The following STXBP5L variants were observed in gnomAD, a reference collection of about 807,000 sequenced individuals.
The protein encoded by STXBP5L is syntaxin-binding protein 5-like.
STXBP5L carries 65 observed loss-of-function variants against 144.5 expected under a neutral mutation model. That is an observed-to-expected ratio of 0.45 (90% CI 0.37 to 0.55). The LOEUF is 0.55. Ranked by LOEUF, STXBP5L falls within the 20% of genes least tolerant of loss-of-function variation. The pLI is 0.00. For missense variants in STXBP5L, 1,298 were observed against 1,405.5 expected, an observed-to-expected ratio of 0.92 and a Z score of 1.22; for synonymous variants, 505 against 469.6, an observed-to-expected ratio of 1.08 and a Z score of -0.97.
At chr3:121,170,888 A>C (rs4048750) in intron 9 of STXBP5L, among the ~76,000 whole-genome samples, 18,248 of 152,232 alleles carry the variant, frequency 0.12, 1,147 homozygotes, top group Non-Finnish European at 0.14. Flanking sequence ...GACACAACAA[A>C]AAAAGAAAAT....
At chr3:121,106,942 G>A (rs1012360260) in intron 5 of STXBP5L, among the ~76,000 whole-genome samples, 1 of 152,180 alleles carries the variant, frequency 6.6e-6, no homozygotes, top group Non-Finnish European at 1.5e-5. Flanking sequence ...CATTCTGACT[G>A]AAGTGAGATG....
At chr3:121,259,306 A>G in intron 18 of STXBP5L, 138 bp downstream of exon 18, 1 of 620,498 alleles carries the variant, frequency 1.6e-6, no homozygotes, top group Non-Finnish European at 2.3e-6. Context: ...TATAAGAAAA[A>G]TAATTTAAAT....
rs2049634450 is a variant in STXBP5L, at chr3:121,240,606, T to C, written c.1400+99T>C. 15 of 1,119,992 alleles carry C rather than the reference T, an allele frequency of 1.3e-5. No homozygotes were observed. In the Admixed American group the frequency reaches 3.3e-4, roughly 25 times the overall value. 69.4% of individuals were successfully genotyped at this position (1,119,992 alleles called of 1,614,324 possible). A position where few individuals can be genotyped will look rare whatever the true frequency, so the allele number is the denominator to read the frequency against. The stretch of plus-strand genomic sequence containing the variant: ...AATTGTGTTCTATGCAGAATAATAG[T>C]TTAAGTAAAAGTAAAAATATAAGAA... On this transcript the variant is annotated intron_variant, in intron 14 of 26. Coordinates refer to ENST00000471454, the MANE Select transcript of STXBP5L (RefSeq NM_001308330.2).
At chr3:121,103,911 AC>A (rs2043558027) in intron 5 of STXBP5L, among the ~76,000 whole-genome samples, 1 of 152,220 alleles carries the variant, frequency 6.6e-6, no homozygotes, top group Non-Finnish European at 1.5e-5. Context: ...TTGGGTATTT[AC>A]TGCAGACAGG....
chr3:121,371,608 G>A (rs2046030336), intron 20 of STXBP5L, among the ~76,000 whole-genome samples: 1 of 152,220 alleles, frequency 6.6e-6, no homozygotes, highest in Non-Finnish European at 1.5e-5. Context: ...AGTAGTAGTG[G>A]CAGTATGTCT....
Position 121,148,160 on chromosome 3 carries a change from G to C in STXBP5L, c.670-4317G>C, listed in dbSNP as rs774213625. On this transcript the variant is annotated intron_variant, in intron 7 of 26. Transcript: ENST00000471454. ...TTTTTCGGAGAACCTTAATTCAAAA[G>C]ATGAGAGCGGAAATTAAAAGAATAG... 2.2e-4 allele frequency among the ~76,000 whole-genome samples: 34 copies of C among 152,104 alleles called. 1 individual carries two copies. The highest frequency in any genetic ancestry group is 3.9e-4 in the Admixed American group (6 of 15,246).
At chr3:121,098,927 C>T (rs1052919061) in intron 5 of STXBP5L, among the ~76,000 whole-genome samples, 1 of 152,056 alleles carries the variant, frequency 6.6e-6, no homozygotes. Flanking sequence ...TATCATGGTC[C>T]CCAGCATCCT....
At chr3:121,068,604 G>A (rs1047857199) in intron 5 of STXBP5L, among the ~76,000 whole-genome samples, 1 of 151,744 alleles carries the variant, frequency 6.6e-6, no homozygotes, top group Non-Finnish European at 1.5e-5. Context: ...ACAGCAACTT[G>A]CACTTTACCT....
At chr3:120,980,778 G>A (rs561591464) in intron 3 of STXBP5L, among the ~76,000 whole-genome samples, 9 of 152,042 alleles carry the variant, frequency 5.9e-5, no homozygotes, top group Admixed American at 2.6e-4. Flanking sequence ...TGCAATCTTG[G>A]TTGTGTAATT....
At chr3:120,953,256 C>A (rs1430678188) in intron 2 of STXBP5L, among the ~76,000 whole-genome samples, 2 of 151,096 alleles carry the variant, frequency 1.3e-5, no homozygotes, top group Non-Finnish European at 2.9e-5. Flanking sequence ...TATAAATAAG[C>A]AGCAGTGGAA....
intron 14 of STXBP5L, among the ~76,000 whole-genome samples, chr3:121,248,156 T>C (rs892959840): frequency 6.6e-6 from 1 of 152,182 alleles, no homozygotes; most frequent in Non-Finnish European, 1.5e-5. Context: ...CTCTGTCTCC[T>C]GAGCTCAAGC....
intron 3 of STXBP5L, among the ~76,000 whole-genome samples, chr3:121,014,518 T>C (rs575375413): frequency 3.9e-5 from 6 of 152,194 alleles, no homozygotes; most frequent in African/African-American, 1.2e-4. Context: ...CTGAGTAGTA[T>C]ACAAATGTAT....
intron 20 of STXBP5L, among the ~76,000 whole-genome samples, chr3:121,355,521 G>T (rs556395881): frequency 6.6e-5 from 10 of 152,146 alleles, no homozygotes; most frequent in African/African-American, 9.6e-5. Context: ...CTCGTGCCAT[G>T]GTTTTCAGCT....
At chr3:121,286,598 G>A (rs1365229671) in intron 19 of STXBP5L, among the ~76,000 whole-genome samples, 1 of 152,118 alleles carries the variant, frequency 6.6e-6, no homozygotes, top group Non-Finnish European at 1.5e-5. Context: ...GAGATAAGGT[G>A]GACCTATTTT....
At chr3:121,272,912 C>G (rs927630900) in intron 18 of STXBP5L, among the ~76,000 whole-genome samples, 3 of 152,000 alleles carry the variant, frequency 2.0e-5, no homozygotes. Context: ...TCACTCTCCT[C>G]CAGCACACAT....
chr3:121,312,270 G>A (rs1362994299), intron 19 of STXBP5L, among the ~76,000 whole-genome samples: 1 of 151,082 alleles, frequency 6.6e-6, no homozygotes, highest in African/African-American at 2.4e-5. Context: ...TACCATTCAG[G>A]ACATAGGCAT....
intron 22 of STXBP5L, among the ~76,000 whole-genome samples, chr3:121,397,765 A>G (rs778502940): frequency 2.0e-5 from 3 of 152,240 alleles, no homozygotes; most frequent in Non-Finnish European, 2.9e-5. Flanking sequence ...ATAGGTACAG[A>G]AATTATAATT....
Position 121,407,564 on chromosome 3 carries a change from T to C in STXBP5L, c.2909T>C (p.Leu970Ser). The C allele has an allele frequency of 6.2e-7, 1 of 1,613,324 alleles. No individual in the cohort carries two copies. The highest frequency in any genetic ancestry group is 8.5e-7 in the Non-Finnish European group (1 of 1,179,538). ...NVVVMCSSAC[L>S]ACFCANGHIM... The stretch of plus-strand genomic sequence containing the variant: ...GTGGTCATGTGTAGCAGTGCCTGCT[T>C]GGCATGCTTTTGTGCTAACGGACAT... Residue 970 changes from leucine to serine, a missense_variant, in exon 23 of 27, where the codon TTG (leucine) becomes TCG (serine). Leu to Ser is a moderately radical substitution (Grantham distance 145). Coordinates refer to ENST00000471454, the MANE Select transcript of STXBP5L (RefSeq NM_001308330.2).
At chr3:121,204,404 C>G (rs192876788) in intron 9 of STXBP5L, among the ~76,000 whole-genome samples, 1 of 152,004 alleles carries the variant, frequency 6.6e-6, no homozygotes, top group Non-Finnish European at 1.5e-5. Flanking sequence ...TTTTTTTCTT[C>G]TTTAGTCAAC....
Sources: gnomAD v4.1 joint callset for allele counts (sites outside exome capture counted in the v4.1 genomes callset) on GRCh38, gnomAD v4.1.1 for gene constraint, MANE v1.5 for transcripts, NCBI Gene and HGNC (gene_info 2026-07-23, HGNC 2026-07-21) for gene names.